Variants in RGS6 observed in about 807,000 individuals in gnomAD.
RGS6 encodes regulator of G protein signaling 6.
A neutral mutation model predicts 78.5 loss-of-function variants in RGS6; 30 were observed. The ratio of observed to expected loss-of-function variants is 0.38; its 90% CI spans 0.29 to 0.52. The LOEUF (loss-of-function observed/expected upper bound fraction) is 0.52. Among genes scored for constraint, RGS6 ranks in the 20% least tolerant of loss-of-function variants. The pLI, the probability that RGS6 is intolerant of heterozygous loss-of-function variation, is 0.85. For synonymous variants in RGS6, 206 were observed against 206.0 expected, an observed-to-expected ratio of 1.00 and a Z score of 0.00; for missense variants, 495 against 609.7, an observed-to-expected ratio of 0.81 and a Z score of 1.98.
At position 72,547,386 on chromosome 14, in the gene RGS6, C is replaced by A. The variant is rs1340671747; in HGVS notation, c.1422+7292C>A. The A allele has an allele frequency of 7.9e-6, 11 of 1,393,560 alleles. No homozygotes were observed. In the South Asian group the frequency reaches 1.1e-4, roughly 14 times the overall value. The allele number at this position is 1,393,560 out of a possible 1,614,324, so 86.3% of individuals were successfully genotyped here. ...CTAAGAAGTAAGACCCCCCCCCGAC[C>A]CATGGAAGTCCCCCCAAAATGAGCT... On this transcript the variant is annotated intron_variant, in intron 17 of 17. Coordinates refer to ENST00000553525, the MANE Select transcript of RGS6 (RefSeq NM_001204424.2).
At chr14:72,371,554 G>C (rs1323826394) in intron 3 of RGS6, among the ~76,000 whole-genome samples, 1 of 152,140 alleles carries the variant, frequency 6.6e-6, no homozygotes, top group Non-Finnish European at 1.5e-5. Context: ...CTGAGGTTGG[G>C]AGTTCGAGAC....
In RGS6 at chr14:72,084,345, A is replaced by G. The variant is rs544754005; in HGVS notation, c.84+119470A>G. On this transcript the variant is annotated intron_variant, in intron 2 of 17. Coordinates refer to ENST00000553525, the MANE Select transcript of RGS6 (RefSeq NM_001204424.2). ...ACTCACCCACCGCCCACCTCCTGCT[A>G]TGCAGCCCAGTTCCTAACAGGCCAC... Among the ~76,000 whole-genome samples the G allele has an allele frequency of 3.9e-5, 6 of 152,308 alleles. No individual in the cohort carries two copies. In the East Asian group the frequency reaches 5.8e-4, roughly 15 times the overall value.
chr14:72,380,468 CAAA>C (rs55721601), intron 3 of RGS6, among the ~76,000 whole-genome samples: 1 of 145,148 alleles, frequency 6.9e-6, no homozygotes, highest in Non-Finnish European at 1.5e-5. Flanking sequence ...ATCTTGACAG[CAAA>C]AAAAAAAAAC....
At chr14:72,454,607 T>C in intron 4 of RGS6, 29 bp downstream of exon 4, 1 of 1,598,266 alleles carries the variant, frequency 6.3e-7, no homozygotes, top group Non-Finnish European at 8.6e-7. Context: ...CACCCTTATC[T>C]CCCCTGGTAT....
chr14:72,144,386 C>T (rs763682677), intron 2 of RGS6, among the ~76,000 whole-genome samples: 9 of 152,150 alleles, frequency 5.9e-5, no homozygotes, highest in East Asian at 1.9e-4. Flanking sequence ...CCCTTTCCCC[C>T]GATGAATGTT....
the RGS6 span, among the ~76,000 whole-genome samples, chr14:71,879,825 A>G: frequency 6.6e-5 from 10 of 152,224 alleles, no homozygotes; most frequent in African/African-American, 9.6e-5. Context: ...TGGTACTGGT[A>G]GAGTGGGGTG....
chr14:72,603,315 G>C, the RGS6 span, among the ~76,000 whole-genome samples: 8 of 152,202 alleles, frequency 5.3e-5, no homozygotes, highest in African/African-American at 1.7e-4. Context: ...ACAACAGATG[G>C]GTAAAGGCCT....
At chr14:72,211,259 A>C (rs1467463935) in intron 2 of RGS6, among the ~76,000 whole-genome samples, 2 of 152,234 alleles carry the variant, frequency 1.3e-5, no homozygotes, top group Admixed American at 6.5e-5. Flanking sequence ...TTTAAAAAGG[A>C]AGACGAGGTC....
At chr14:71,992,618 A>G (rs1310914872) in intron 2 of RGS6, among the ~76,000 whole-genome samples, 3 of 152,206 alleles carry the variant, frequency 2.0e-5, no homozygotes, top group Non-Finnish European at 2.9e-5. Context: ...AATTTGTTTG[A>G]TTTTTAGAAG....
chr14:72,496,341 A>G (rs1598346091), intron 13 of RGS6, among the ~76,000 whole-genome samples: 1 of 152,238 alleles, frequency 6.6e-6, no homozygotes, highest in African/African-American at 2.4e-5. Context: ...GATACTGCAT[A>G]AACTACTAGC....
chr14:72,615,500 C>T, the RGS6 span, among the ~76,000 whole-genome samples: 3 of 152,216 alleles, frequency 2.0e-5, no homozygotes. Context: ...GAGTGTGCAA[C>T]CCTCCAGGGT....
chr14:72,261,496 A>G (rs1471894703), intron 2 of RGS6, among the ~76,000 whole-genome samples: 3 of 152,184 alleles, frequency 2.0e-5, no homozygotes, highest in Non-Finnish European at 4.4e-5. Flanking sequence ...TAAGGCTATT[A>G]TAAGTGAAAG....
chr14:72,495,040 T>G (rs2153414094), intron 12 of RGS6, 112 bp from the exon 13 acceptor site: 6 of 688,368 alleles, frequency 8.7e-6, no homozygotes, highest in Non-Finnish European at 1.6e-5. Context: ...GAAATAAATT[T>G]TTTCCTTTAA....
rs551830645 is a variant in RGS6, at chr14:72,344,519, A to G, written c.85-7576A>G. 4.9e-4 allele frequency among the ~76,000 whole-genome samples: 74 copies of G among 152,282 alleles called. 1 individual carries two copies. Among genetic ancestry groups the G allele is most frequent in the African/African-American group, 1.7e-3 (72 of 41,566 alleles). ...TTTACTGTAAATTGCAGACATCACT[A>G]CCTCCAAGACCCTTTTAATATATTG... On this transcript the variant is annotated intron_variant, in intron 2 of 17. Transcript: ENST00000553525.
Position 72,489,156 on chromosome 14 carries a change from G to GCCCCC in RGS6, c.855-5993_855-5989dup, listed in dbSNP as rs35147203. Reference sequence around the variant, plus strand: ...CAGATGTCCTGGGAGGACAAAGGGGGCCCCCCCACCGGCTGTTTGCTCATC... The same window carrying GCCCCC: ...CAGATGTCCTGGGAGGACAAAGGGGGCCCCCCCCCCCCACCGGCTGTTTGCTCATC... On this transcript the variant is annotated intron_variant, in intron 12 of 17. Coordinates refer to ENST00000553525, the MANE Select transcript of RGS6 (RefSeq NM_001204424.2). Among the ~76,000 whole-genome samples the GCCCCC allele has an allele frequency of 1.9e-3, 267 of 141,708 alleles. 1 individual carries two copies. The highest frequency in any genetic ancestry group is 4.9e-3 in the South Asian group (21 of 4,246). The allele number at this position is 141,708 out of a possible 152,430, so 93.0% of individuals were successfully genotyped here.
intron 2 of RGS6, among the ~76,000 whole-genome samples, chr14:72,293,347 T>A (rs1482772315): frequency 6.6e-6 from 1 of 152,218 alleles, no homozygotes; most frequent in African/African-American, 2.4e-5. Flanking sequence ...AAGCAACAGA[T>A]GAGGTCTGTT....
At chr14:72,248,683 T>G (rs1314883107) in intron 2 of RGS6, among the ~76,000 whole-genome samples, 2 of 152,256 alleles carry the variant, frequency 1.3e-5, no homozygotes, top group South Asian at 4.1e-4. Flanking sequence ...GTGGAAAAAT[T>G]AATTAGCTCT....
At chr14:71,870,664 C>G in the RGS6 span, among the ~76,000 whole-genome samples, 2 of 152,214 alleles carry the variant, frequency 1.3e-5, no homozygotes, top group Admixed American at 1.3e-4. Flanking sequence ...TGGTGCTCAA[C>G]TACTGTCACT....
rs535640090 is a variant in RGS6 at position 71,956,965 on chromosome 14, C to T, written c.-20-7807C>T. 2.0e-5 allele frequency among the ~76,000 whole-genome samples: 3 copies of T among 152,278 alleles called. No homozygotes were observed. The East Asian group carries it at 5.8e-4, about 29-fold the overall frequency. ...TCTAAATAAGTTTGAAGATTGTTTGCAGTGAATGCAGAGTAAGTAAGTGAG... is the reference window on the plus strand; with the variant it reads ...TCTAAATAAGTTTGAAGATTGTTTGTAGTGAATGCAGAGTAAGTAAGTGAG... On this transcript the variant is annotated intron_variant, in intron 1 of 17. Transcript: ENST00000553525.
Sources: gnomAD v4.1 joint callset for allele counts (sites outside exome capture counted in the v4.1 genomes callset) on GRCh38, gnomAD v4.1.1 for gene constraint, MANE v1.5 for transcripts, NCBI Gene and HGNC (gene_info 2026-07-23, HGNC 2026-07-21) for gene names.